FRMD3: variants seen among roughly 807,000 people sequenced by gnomAD.
FRMD3 encodes FERM domain containing 3.
Under a neutral mutation model 70.2 loss-of-function variants are expected in FRMD3, and 33 were observed. That is an observed-to-expected ratio of 0.47 (90% confidence interval 0.36 to 0.63). The LOEUF is 0.63. Among genes scored for constraint, FRMD3 ranks in the 20% least tolerant of loss-of-function variants. FRMD3 has a pLI of 0.00. For missense variants in FRMD3, 632 were observed against 711.4 expected (o/e 0.89, Z 1.27); for synonymous variants, 279 against 255.9 (o/e 1.09, Z -0.86).
intron 1 of FRMD3, among the ~76,000 whole-genome samples, chr9:83,427,061 G>A (rs1440811297): frequency 1.3e-5 from 2 of 152,220 alleles, no homozygotes; most frequent in African/African-American, 4.8e-5. Context: ...TCTCAGTCCA[G>A]GCACAGGGCT....
intron 1 of FRMD3, among the ~76,000 whole-genome samples, chr9:83,494,888 T>C (rs896243243): frequency 6.6e-6 from 1 of 151,946 alleles, no homozygotes; most frequent in Non-Finnish European, 1.5e-5. Flanking sequence ...TGTATATATA[T>C]GATATTTTAC....
chr9:83,310,617 T>C (rs1835316370), intron 8 of FRMD3, 69 bp from the exon 9 acceptor site: 3 of 1,225,150 alleles, frequency 2.4e-6, no homozygotes, highest in African/African-American at 1.5e-5. Context: ...GGGTTTCCCA[T>C]AGGAATCTGA....
chr9:83,515,050 T>G (rs1829424720), intron 1 of FRMD3, among the ~76,000 whole-genome samples: 1 of 152,036 alleles, frequency 6.6e-6, no homozygotes, highest in South Asian at 2.1e-4. Flanking sequence ...AACCAGAATA[T>G]CTCTTCTCTT....
chr9:83,387,643 T>C (rs1028142076), intron 2 of FRMD3, among the ~76,000 whole-genome samples: 1 of 152,222 alleles, frequency 6.6e-6, no homozygotes, highest in Non-Finnish European at 1.5e-5. Flanking sequence ...CTTTGATGTA[T>C]AATCCTAAAC....
intron 1 of FRMD3, among the ~76,000 whole-genome samples, chr9:83,451,491 T>C (rs907550519): frequency 6.6e-6 from 1 of 152,018 alleles, no homozygotes; most frequent in Non-Finnish European, 1.5e-5. Flanking sequence ...ACCCAGGCGA[T>C]TGTCTGCAAA....
chr9:83,456,371 C>T (rs1031459921), intron 1 of FRMD3, among the ~76,000 whole-genome samples: 1 of 152,104 alleles, frequency 6.6e-6, no homozygotes, highest in African/African-American at 2.4e-5. Flanking sequence ...TGAAGCCTCC[C>T]TGTATACATT....
At chr9:83,486,010 T>C (rs893433609) in intron 1 of FRMD3, among the ~76,000 whole-genome samples, 2 of 152,020 alleles carry the variant, frequency 1.3e-5, no homozygotes, top group Admixed American at 6.6e-5. Context: ...TATATACATA[T>C]ACTATGTATA....
intron 13 of FRMD3, among the ~76,000 whole-genome samples, chr9:83,258,041 A>G (rs934871679): frequency 6.6e-6 from 1 of 152,214 alleles, no homozygotes; most frequent in South Asian, 2.1e-4. Flanking sequence ...TAATCAAAAA[A>G]TACTGATGGA....
chr9:83,395,888 T>A (rs1825798655), intron 1 of FRMD3, among the ~76,000 whole-genome samples: 2 of 152,152 alleles, frequency 1.3e-5, no homozygotes, highest in African/African-American at 4.8e-5. Context: ...CCCAAAATAC[T>A]GAATATATTG....
intron 2 of FRMD3, among the ~76,000 whole-genome samples, chr9:83,386,771 C>T (rs908355093): frequency 3.3e-4 from 50 of 152,206 alleles, no homozygotes; most frequent in South Asian, 6.2e-4. Context: ...CTTGAGTTGA[C>T]GTGTCTCTCC....
intron 4 of FRMD3, 29 bp downstream of exon 4, chr9:83,349,650 C>T (rs773405855): frequency 3.7e-5 from 56 of 1,529,734 alleles, no homozygotes; most frequent in Admixed American, 6.8e-5. Context: ...TAAAGGTGCA[C>T]GTTAAACATA....
At chr9:83,545,352 TTTTG>T in the FRMD3 span, among the ~76,000 whole-genome samples, 15 of 128,862 alleles carry the variant, frequency 1.2e-4, no homozygotes, top group African/African-American at 3.6e-4. Flanking sequence ...TGTTGTTTTT[TTTTG>T]TTTTTTTTTT....
intron 1 of FRMD3, among the ~76,000 whole-genome samples, chr9:83,430,560 T>C (rs1312562718): frequency 2.0e-5 from 3 of 152,190 alleles, no homozygotes; most frequent in African/African-American, 7.2e-5. Context: ...TTGTTAAAAT[T>C]ATAAAACAAT....
chr9:83,340,248 T>A (rs1293916046), intron 5 of FRMD3, among the ~76,000 whole-genome samples: 3 of 152,176 alleles, frequency 2.0e-5, no homozygotes, highest in Non-Finnish European at 4.4e-5. Flanking sequence ...AGTGCCCTGA[T>A]TCATTTAACA....
Position 83,326,387 on chromosome 9 carries a change from T to C in FRMD3, c.596+9129A>G, listed in dbSNP as rs79262681. Among the ~76,000 whole-genome samples, 606 of 152,288 alleles carry C rather than the reference T, an allele frequency of 4.0e-3. 3 individuals carry two copies. Among genetic ancestry groups the C allele is most frequent in the Non-Finnish European group, 6.9e-3 (469 of 68,028 alleles). ...CAAAGGCCCATCTTTAAAATAATTC[T>C]CAAGTAAGCATCATTTGCTTTGGGC... On this transcript the variant is annotated intron_variant, in intron 6 of 13. Coordinates refer to ENST00000304195, the MANE Select transcript of FRMD3 (RefSeq NM_174938.6).
chr9:83,473,479 T>A (rs1828318464), intron 1 of FRMD3, among the ~76,000 whole-genome samples: 1 of 152,236 alleles, frequency 6.6e-6, no homozygotes, highest in Admixed American at 6.5e-5. Context: ...TGTTCATGTG[T>A]CTTTGACTTT....
intron 10 of FRMD3, among the ~76,000 whole-genome samples, chr9:83,301,536 A>AAG (rs1215908166): frequency 6.6e-6 from 1 of 151,902 alleles, no homozygotes; most frequent in Admixed American, 6.6e-5. Context: ...AAAAAAAAAA[A>AAG]AAGATTGAGT....
At chr9:83,485,370 T>G (rs968532730) in intron 1 of FRMD3, among the ~76,000 whole-genome samples, 1 of 152,236 alleles carries the variant, frequency 6.6e-6, no homozygotes, top group African/African-American at 2.4e-5. Context: ...TTCCAGTCCC[T>G]TTTTGATCTT....
intron 1 of FRMD3, among the ~76,000 whole-genome samples, chr9:83,431,252 C>T (rs1265185802): frequency 6.6e-6 from 1 of 152,216 alleles, no homozygotes; most frequent in African/African-American, 2.4e-5. Flanking sequence ...ATGAATATGA[C>T]ATTGGTATAA....
Sources: allele counts gnomAD v4.1 joint callset (sites outside exome capture counted in the v4.1 genomes callset), GRCh38; gene constraint gnomAD v4.1.1; transcripts MANE v1.5; gene names NCBI Gene and HGNC (gene_info 2026-07-23, HGNC 2026-07-21).